ZMYM1: variants seen among roughly 807,000 people sequenced by gnomAD.
ZMYM1 encodes zinc finger MYM-type protein 1.
ZMYM1 carries 39 observed loss-of-function variants against 60.0 expected under a neutral mutation model. The observed-to-expected ratio is 0.65, with a 90% confidence interval of 0.50 to 0.85. The LOEUF (loss-of-function observed/expected upper bound fraction) is 0.85, where lower values mean the gene tolerates loss of function less well. ZMYM1 is among the 40% of genes least tolerant of loss of function. ZMYM1 has a pLI of 0.00. For synonymous variants in ZMYM1, 413 were observed against 454.0 expected (o/e 0.91, Z 1.15); for missense variants, 1,171 against 1,309.5 (o/e 0.89, Z 1.63).
intron 1 of ZMYM1, among the ~76,000 whole-genome samples, chr1:35,071,316 T>C (rs1168620550): frequency 8.4e-6 from 1 of 119,240 alleles, no homozygotes; most frequent in East Asian, 1.9e-4. Flanking sequence ...TTTGCTGCCA[T>C]TTATTTATTT....
At chr1:35,088,710 A>G (rs1642819992) in intron 1 of ZMYM1, among the ~76,000 whole-genome samples, 2 of 151,078 alleles carry the variant, frequency 1.3e-5, no homozygotes, top group Admixed American at 1.3e-4. Flanking sequence ...AAAGGAAGTA[A>G]TGGATCTGTC....
intron 1 of ZMYM1, among the ~76,000 whole-genome samples, chr1:35,066,255 T>C (rs934120273): frequency 6.6e-6 from 1 of 152,236 alleles, no homozygotes; most frequent in Non-Finnish European, 1.5e-5. Context: ...TGGAGTGCAG[T>C]GGCCTGATCT....
chr1:35,101,309 G>A (rs111414483), intron 4 of ZMYM1, among the ~76,000 whole-genome samples: 7,210 of 150,596 alleles, frequency 0.048, 494 homozygotes, highest in African/African-American at 0.15. Flanking sequence ...GGGTTTCACC[G>A]TGTTGGCCAG....
At chr1:35,066,266 C>T (rs1260820897) in intron 1 of ZMYM1, among the ~76,000 whole-genome samples, 13 of 152,190 alleles carry the variant, frequency 8.5e-5, no homozygotes, top group Admixed American at 7.2e-4. Context: ...GGCCTGATCT[C>T]GGCTCACTGC....
intron 1 of ZMYM1, among the ~76,000 whole-genome samples, chr1:35,066,509 T>A (rs1176857800): frequency 6.6e-6 from 1 of 152,148 alleles, no homozygotes; most frequent in African/African-American, 2.4e-5. Context: ...AAAATAAAAA[T>A]TTTTAAATGG....
Position 35,115,764 on chromosome 1 carries a change from A to T in ZMYM1, c.*505A>T, listed in dbSNP as rs1644241822. On this transcript the variant is annotated 3_prime_UTR_variant, in exon 10 of 10. Transcript: ENST00000359858. ...ATATGTGCATTTTTACTTTTGATAGATATTGGCAAGTTGCCATCTATAAGG... is the reference window on the plus strand; with the variant it reads ...ATATGTGCATTTTTACTTTTGATAGTTATTGGCAAGTTGCCATCTATAAGG... The T allele has an allele frequency of 1.3e-5, 2 of 152,356 alleles. No homozygotes were observed. The highest frequency in any genetic ancestry group is 4.8e-5 in the African/African-American group (2 of 41,454). 9.4% of individuals were successfully genotyped at this position (152,356 alleles called of 1,614,324 possible).
At chr1:35,082,623 G>A (rs1201484431) in intron 1 of ZMYM1, among the ~76,000 whole-genome samples, 2 of 147,672 alleles carry the variant, frequency 1.4e-5, no homozygotes, top group African/African-American at 4.9e-5. Flanking sequence ...GAGCCACCAC[G>A]CCTGGCCTGC....
chr1:35,099,422 A>C (rs562098496), intron 4 of ZMYM1, among the ~76,000 whole-genome samples: 1 of 152,336 alleles, frequency 6.6e-6, no homozygotes, highest in South Asian at 2.1e-4. Flanking sequence ...AGATTGAAAA[A>C]GGCTGAAGCA....
chr1:35,117,123 G>T (rs1173031111), downstream of ZMYM1, among the ~76,000 whole-genome samples: 1 of 108,124 alleles, frequency 9.2e-6, no homozygotes, highest in Non-Finnish European at 2.2e-5. Flanking sequence ...GAGCCACCGC[G>T]CCCGGCCTTT....
Position 35,115,302 on chromosome 1 carries a change from T to C in ZMYM1, c.*43T>C, listed in dbSNP as rs1644232315. The C allele has an allele frequency of 6.7e-7, 1 of 1,496,162 alleles. No homozygotes were observed. The highest frequency in any genetic ancestry group is 8.8e-7 in the Non-Finnish European group (1 of 1,130,808). The allele number at this position is 1,496,162 out of a possible 1,614,324, so 92.7% of individuals were successfully genotyped here. A position where few individuals can be genotyped will look rare whatever the true frequency, so the allele number is the denominator to read the frequency against. On this transcript the variant is annotated 3_prime_UTR_variant, in exon 10 of 10. Transcript: ENST00000359858. Reference sequence around the variant, plus strand: ...TTACCTAAAAGACTTGTATTTCCATTGGGATGTTTTCATTTCAAAATTGTT... The same window carrying C: ...TTACCTAAAAGACTTGTATTTCCATCGGGATGTTTTCATTTCAAAATTGTT...
At chr1:35,079,259 C>G (rs573981409), upstream of ZMYM1, 8 of 152,444 alleles carry the variant, frequency 5.2e-5, no homozygotes, top group South Asian at 4.1e-4. Context: ...TTCCCCTCCC[C>G]CTCTCCCACT....
In ZMYM1 at chr1:35,115,774, G is replaced by T. The variant is rs539351099; in HGVS notation, c.*515G>T. ...TTTTACTTTTGATAGATATTGGCAA[G>T]TTGCCATCTATAAGGATTGTGCCAG... On this transcript the variant is annotated 3_prime_UTR_variant, in exon 10 of 10. Transcript: ENST00000359858. 1 of 152,436 alleles carries T rather than the reference G, an allele frequency of 6.6e-6. No individual in the cohort carries two copies. The highest frequency in any genetic ancestry group is 1.9e-4 in the East Asian group (1 of 5,196). 9.4% of individuals were successfully genotyped at this position (152,436 alleles called of 1,614,324 possible). A position where few individuals can be genotyped will look rare whatever the true frequency, so the allele number is the denominator to read the frequency against.
chr1:35,092,839 G>T, intron 1 of ZMYM1, among the ~76,000 whole-genome samples: 1 of 150,910 alleles, frequency 6.6e-6, no homozygotes, highest in Non-Finnish European at 1.5e-5. Context: ...TGACCAGACT[G>T]GTCTCAAACT....
downstream of ZMYM1, among the ~76,000 whole-genome samples, chr1:35,117,210 C>T (rs1359385692): frequency 6.6e-6 from 1 of 150,878 alleles, no homozygotes; most frequent in Non-Finnish European, 1.5e-5. Context: ...ATTTTGATAA[C>T]TTGTACTTTT....
Position 35,114,042 on chromosome 1 carries a change from C to T in ZMYM1, c.2212C>T (p.Pro738Ser). The change falls in exon 10 of 10, where the codon CCA becomes TCA. Residue 738 changes from proline (P) to serine (S), a missense_variant. Coordinates refer to ENST00000359858, the MANE Select transcript of ZMYM1 (RefSeq NM_024772.5). ...KIAAEFKKEE[P>S]RALYIHCYAH... ...AGCAGCAGAATTCAAGAAAGAAGAA[C>T]CAAGAGCTTTATACATACATTGTTA... 6.2e-7 allele frequency: 1 copy of T among 1,606,782 alleles called. No homozygotes were observed. Among genetic ancestry groups the T allele is most frequent in the Non-Finnish European group, 8.5e-7 (1 of 1,178,266 alleles).
intron 7 of ZMYM1, among the ~76,000 whole-genome samples, chr1:35,111,186 AATG>A (rs1490113737): frequency 1.3e-5 from 2 of 152,190 alleles, no homozygotes; most frequent in Non-Finnish European, 2.9e-5. Flanking sequence ...AGTGATTGTA[AATG>A]CTTTAAGACT....
At chr1:35,104,140 A>G (rs1643798817) in intron 4 of ZMYM1, 155 bp from the exon 5 acceptor site, 2 of 617,674 alleles carry the variant, frequency 3.2e-6, no homozygotes, top group South Asian at 5.6e-5. Flanking sequence ...ATTAAAATTT[A>G]GGGAGTATAA....
Position 35,083,858 on chromosome 1 carries a change from A to G in ZMYM1, c.-75+4416A>G, listed in dbSNP as rs147791186. On this transcript the variant is annotated intron_variant, in intron 1 of 9. Coordinates refer to ENST00000359858, the MANE Select transcript of ZMYM1 (RefSeq NM_024772.5). ...GGCTGGTCTCGAACTCCTGGGCTCAAACTCCTGCCTTGGCTTCCCAGAGTT... is the reference window on the plus strand; with the variant it reads ...GGCTGGTCTCGAACTCCTGGGCTCAGACTCCTGCCTTGGCTTCCCAGAGTT... 5.0e-4 allele frequency among the ~76,000 whole-genome samples: 76 copies of G among 152,282 alleles called. 1 individual carries two copies. Among genetic ancestry groups the G allele is most frequent in the African/African-American group, 1.6e-3 (65 of 41,568 alleles).
At chr1:35,060,310 A>G (rs1641848927) in intron 1 of ZMYM1, among the ~76,000 whole-genome samples, 1 of 151,752 alleles carries the variant, frequency 6.6e-6, no homozygotes. Context: ...ATAGGCATGC[A>G]CCACCATGCC....
Sources: gnomAD v4.1 joint callset for allele counts (sites outside exome capture counted in the v4.1 genomes callset) on GRCh38, gnomAD v4.1.1 for gene constraint, MANE v1.5 for transcripts, NCBI Gene and HGNC (gene_info 2026-07-23, HGNC 2026-07-21) for gene names.